NKAIN2: variants seen among roughly 807,000 people sequenced by gnomAD.
NKAIN2 encodes sodium/potassium transporting ATPase interacting 2.
NKAIN2 carries 14 observed loss-of-function variants against 32.6 expected under a neutral mutation model. The observed-to-expected ratio is 0.43, with a 90% CI of 0.28 to 0.67. NKAIN2 has a LOEUF of 0.67. Among genes scored for constraint, NKAIN2 ranks in the 30% least tolerant of loss-of-function variants. The probability of loss-of-function intolerance (pLI) is 0.17; values close to 1 mark genes in which losing one functional copy is unlikely to be tolerated. For synonymous variants in NKAIN2, 80 were observed against 87.2 expected, an observed-to-expected ratio of 0.92 and a Z score of 0.46; for missense variants, 198 against 258.3, an observed-to-expected ratio of 0.77 and a Z score of 1.60.
chr6:123,821,587 T>G (rs1773925301), intron 1 of NKAIN2, among the ~76,000 whole-genome samples: 1 of 152,330 alleles, frequency 6.6e-6, no homozygotes, highest in South Asian at 2.1e-4. Flanking sequence ...ATTAGCAGTC[T>G]TTGTAAATGG....
intron 4 of NKAIN2, among the ~76,000 whole-genome samples, chr6:124,727,902 G>T (rs1053730614): frequency 6.8e-6 from 1 of 147,296 alleles, no homozygotes; most frequent in Non-Finnish European, 1.5e-5. Context: ...GGCAGGGGTT[G>T]CAATCCTAGT....
At chr6:124,162,627 C>T (rs192819092) in intron 1 of NKAIN2, among the ~76,000 whole-genome samples, 13 of 152,068 alleles carry the variant, frequency 8.5e-5, no homozygotes, top group East Asian at 7.8e-4. Flanking sequence ...AAAGGAGAAT[C>T]GGTGGTGAAT....
chr6:124,263,985 T>TA (rs1794369686), intron 1 of NKAIN2, among the ~76,000 whole-genome samples: 1 of 152,172 alleles, frequency 6.6e-6, no homozygotes, highest in African/African-American at 2.4e-5. Flanking sequence ...AAGGAGCAGA[T>TA]AAAAATCTGT....
intron 1 of NKAIN2, among the ~76,000 whole-genome samples, chr6:123,901,113 G>A (rs1422170294): frequency 1.3e-5 from 2 of 151,972 alleles, no homozygotes; most frequent in Non-Finnish European, 2.9e-5. Context: ...ATTGTCCTTA[G>A]TATTTTAAAA....
chr6:124,117,594 T>G (rs1178570187), intron 1 of NKAIN2, among the ~76,000 whole-genome samples: 4 of 152,138 alleles, frequency 2.6e-5, no homozygotes, highest in African/African-American at 9.7e-5. Flanking sequence ...GTAAAAGGTC[T>G]TAACATATGT....
intron 3 of NKAIN2, among the ~76,000 whole-genome samples, chr6:124,448,829 A>G (rs1246569356): frequency 1.3e-5 from 2 of 152,176 alleles, no homozygotes; most frequent in African/African-American, 4.8e-5. Context: ...AATAGAATTC[A>G]TGATTAGAAT....
At chr6:124,134,835 A>T (rs1373649543) in intron 1 of NKAIN2, among the ~76,000 whole-genome samples, 1 of 152,218 alleles carries the variant, frequency 6.6e-6, no homozygotes, top group Non-Finnish European at 1.5e-5. Context: ...ACCTAGGCAT[A>T]TAGACATCAG....
At chr6:124,812,547 T>A (rs1230828863) in intron 5 of NKAIN2, among the ~76,000 whole-genome samples, 1 of 152,112 alleles carries the variant, frequency 6.6e-6, no homozygotes, top group African/African-American at 2.4e-5. Context: ...TAGGTTGCAA[T>A]GAAGCAAAAT....
At chr6:123,827,881 C>T (rs1180578190) in intron 1 of NKAIN2, among the ~76,000 whole-genome samples, 1 of 150,288 alleles carries the variant, frequency 6.7e-6, no homozygotes, top group Non-Finnish European at 1.5e-5. Flanking sequence ...CAGTTCCTCT[C>T]TCTCTCTCTC....
At chr6:124,687,507 G>GTATA (rs1774010661) in intron 4 of NKAIN2, among the ~76,000 whole-genome samples, 2 of 1,354 alleles carry the variant, frequency 1.5e-3, no homozygotes, top group African/African-American at 2.8e-3. Flanking sequence ...TACATACATG[G>GTATA]TATATATTCC....
At chr6:124,197,879 A>G (rs1238535225) in intron 1 of NKAIN2, among the ~76,000 whole-genome samples, 1 of 110,520 alleles carries the variant, frequency 9.0e-6, no homozygotes, top group Admixed American at 1.1e-4. Flanking sequence ...TGCATTTATG[A>G]GTGCTTCCTT....
chr6:124,294,954 A>G (rs1236061877), intron 2 of NKAIN2, among the ~76,000 whole-genome samples: 1 of 152,158 alleles, frequency 6.6e-6, no homozygotes, highest in Non-Finnish European at 1.5e-5. Context: ...TGTAAAAGAA[A>G]TGTTTGGCTG....
rs1359194023 is a variant in NKAIN2 at position 124,166,993 on chromosome 6, G to T, written c.55-116012G>T. Among the ~76,000 whole-genome samples, 829 of 148,888 alleles carry T rather than the reference G, an allele frequency of 5.6e-3. 6 individuals are homozygous for T. The highest frequency in any genetic ancestry group is 0.02 in the African/African-American group (773 of 39,122). ...TTCTTTTGGCTTAGGATTGACTTGG[G>T]GATGCGGGCTCTTTTTTGGTTCCAT... On this transcript the variant is annotated intron_variant, in intron 1 of 6. Transcript: ENST00000368417.
At chr6:124,413,066 G>A (rs865844937) in intron 3 of NKAIN2, among the ~76,000 whole-genome samples, 18 of 152,248 alleles carry the variant, frequency 1.2e-4, no homozygotes, top group South Asian at 2.1e-4. Context: ...TCCAGGTGCT[G>A]TCTGTCACCC....
At chr6:124,424,682 TG>T (rs1774906042) in intron 3 of NKAIN2, among the ~76,000 whole-genome samples, 2 of 151,722 alleles carry the variant, frequency 1.3e-5, no homozygotes, top group Non-Finnish European at 2.9e-5. Context: ...TTTTTCTTTT[TG>T]TCTGACTTAT....
At chr6:124,144,281 G>C (rs556994615) in intron 1 of NKAIN2, among the ~76,000 whole-genome samples, 1 of 152,280 alleles carries the variant, frequency 6.6e-6, no homozygotes, top group East Asian at 1.9e-4. Context: ...GTGTAGTGTT[G>C]CTGCAAGAGA....
At chr6:123,876,997 A>G (rs1345210700) in intron 1 of NKAIN2, among the ~76,000 whole-genome samples, 2 of 152,136 alleles carry the variant, frequency 1.3e-5, no homozygotes, top group Non-Finnish European at 1.5e-5. Context: ...TTACCCCAAA[A>G]TATTGATAAT....
chr6:123,977,696 T>G (rs527710863), intron 1 of NKAIN2, among the ~76,000 whole-genome samples: 1 of 152,326 alleles, frequency 6.6e-6, no homozygotes, highest in African/African-American at 2.4e-5. Flanking sequence ...TGAACATGTT[T>G]GCACTTCAGA....
intron 5 of NKAIN2, among the ~76,000 whole-genome samples, chr6:124,807,080 C>T (rs1036952990): frequency 2.7e-4 from 41 of 151,632 alleles, no homozygotes; most frequent in Admixed American, 1.1e-3. Context: ...GACAGATCAA[C>T]GAGACAGAAA....
Sources: allele counts gnomAD v4.1 joint callset (sites outside exome capture counted in the v4.1 genomes callset), GRCh38; gene constraint gnomAD v4.1.1; transcripts MANE v1.5; gene names NCBI Gene and HGNC (gene_info 2026-07-23, HGNC 2026-07-21).